The following CACNA2D3 variants were observed in gnomAD, a reference collection of about 807,000 sequenced individuals.
CACNA2D3 encodes the protein calcium voltage-gated channel auxiliary subunit alpha2delta 3.
Under a neutral mutation model 160.6 loss-of-function variants are expected in CACNA2D3, and 60 were observed. The observed-to-expected ratio is 0.37, with a 90% CI of 0.30 to 0.46. The LOEUF is 0.46. Among genes scored for constraint, CACNA2D3 ranks in the 20% least tolerant of loss-of-function variants. The pLI is 1.00. For synonymous variants in CACNA2D3, 558 were observed against 492.9 expected, an observed-to-expected ratio of 1.13 and a Z score of -1.75; for missense variants, 1,205 against 1,365.0, an observed-to-expected ratio of 0.88 and a Z score of 1.85.
chr3:54,976,056 T>TACACAC (rs3841944), intron 29 of CACNA2D3, among the ~76,000 whole-genome samples: 1,873 of 145,030 alleles, frequency 0.013, 33 homozygotes, highest in African/African-American at 0.04. Context: ...TAGATATAGA[T>TACACAC]ACACACACAC....
intron 9 of CACNA2D3, among the ~76,000 whole-genome samples, chr3:54,610,969 T>A (rs1698738874): frequency 6.6e-6 from 1 of 152,136 alleles, no homozygotes; most frequent in African/African-American, 2.4e-5. Flanking sequence ...AATCCCTGGC[T>A]TTTCTTCGCC....
chr3:54,796,441 A>C (rs377222731), intron 13 of CACNA2D3, among the ~76,000 whole-genome samples: 1 of 152,178 alleles, frequency 6.6e-6, no homozygotes, highest in African/African-American at 2.4e-5. Flanking sequence ...AGAAGTGCTT[A>C]TGTGCACAAA....
rs978245525 is a variant in CACNA2D3 at position 54,314,858 on chromosome 3, C to T, written c.205-5584C>T. Among the ~76,000 whole-genome samples, 3 of 152,254 alleles carry T rather than the reference C, an allele frequency of 2.0e-5. No individual in the cohort carries two copies. In the East Asian group the frequency reaches 5.8e-4, roughly 29 times the overall value. On this transcript the variant is annotated intron_variant, in intron 2 of 37. Coordinates refer to ENST00000474759, the MANE Select transcript of CACNA2D3 (RefSeq NM_018398.3). The stretch of plus-strand genomic sequence containing the variant: ...GCTGGAGACAGGATGCAAAGCCAGC[C>T]TGGCTCAAACCTTTCACCTGGTGCC...
chr3:54,259,040 C>T (rs1219968248), intron 2 of CACNA2D3, among the ~76,000 whole-genome samples: 1 of 152,202 alleles, frequency 6.6e-6, no homozygotes, highest in Non-Finnish European at 1.5e-5. Context: ...ACTTTTTCTC[C>T]TTCCATTTGA....
At chr3:54,660,488 A>C (rs551432102) in intron 11 of CACNA2D3, among the ~76,000 whole-genome samples, 28 of 152,144 alleles carry the variant, frequency 1.8e-4, no homozygotes, top group Non-Finnish European at 2.9e-4. Context: ...ATTGGTAGAG[A>C]AATCACCTTT....
At chr3:54,805,950 A>C (rs2106684434) in intron 13 of CACNA2D3, among the ~76,000 whole-genome samples, 1 of 152,224 alleles carries the variant, frequency 6.6e-6, no homozygotes, top group African/African-American at 2.4e-5. Flanking sequence ...AAAGACAAAA[A>C]CCACATGATT....
chr3:54,376,957 A>G (rs192278465), intron 3 of CACNA2D3, among the ~76,000 whole-genome samples: 1 of 152,348 alleles, frequency 6.6e-6, no homozygotes. Flanking sequence ...ATAAAAATCC[A>G]TCTTGAGAAG....
At chr3:54,355,684 T>A (rs1237872106) in intron 3 of CACNA2D3, among the ~76,000 whole-genome samples, 1 of 152,112 alleles carries the variant, frequency 6.6e-6, no homozygotes, top group Non-Finnish European at 1.5e-5. Context: ...ATGTAAAAGA[T>A]GCCGTTGGAT....
intron 5 of CACNA2D3, among the ~76,000 whole-genome samples, chr3:54,548,968 C>T (rs1452374437): frequency 6.6e-6 from 1 of 152,152 alleles, no homozygotes; most frequent in Non-Finnish European, 1.5e-5. Flanking sequence ...AAAAGCAGCA[C>T]GTAATGCAAA....
chr3:54,615,141 TAAATG>T (rs1233515159), intron 9 of CACNA2D3, among the ~76,000 whole-genome samples: 1 of 152,190 alleles, frequency 6.6e-6, no homozygotes, highest in Non-Finnish European at 1.5e-5. Context: ...GGTTATCTAA[TAAATG>T]AAGAGAGATG....
intron 31 of CACNA2D3, among the ~76,000 whole-genome samples, chr3:54,994,030 T>C (rs1431584337): frequency 6.6e-6 from 1 of 152,018 alleles, no homozygotes. Context: ...ATTTTCCCTA[T>C]GGGATCTGGC....
intron 2 of CACNA2D3, among the ~76,000 whole-genome samples, chr3:54,306,428 C>A (rs2107495238): frequency 6.6e-6 from 1 of 152,310 alleles, no homozygotes; most frequent in African/African-American, 2.4e-5. Context: ...GTGTGGACTT[C>A]TATTAACTTC....
At chr3:54,186,636 A>G (rs1158999309) in intron 2 of CACNA2D3, among the ~76,000 whole-genome samples, 2 of 152,130 alleles carry the variant, frequency 1.3e-5, no homozygotes, top group Non-Finnish European at 2.9e-5. Flanking sequence ...GACTGCTCTA[A>G]TTACATCTCT....
chr3:54,570,182 G>A (rs1363308551), intron 8 of CACNA2D3, 78 bp downstream of exon 8: 15 of 1,422,160 alleles, frequency 1.1e-5, no homozygotes, highest in East Asian at 6.9e-5. Context: ...CATTGCTCTC[G>A]CTGTTAGATC....
At chr3:54,473,655 A>G (rs1240323269) in intron 4 of CACNA2D3, among the ~76,000 whole-genome samples, 4 of 152,270 alleles carry the variant, frequency 2.6e-5, no homozygotes, top group Non-Finnish European at 4.4e-5. Context: ...ACTAATATCC[A>G]GAATCTACAA....
At chr3:54,327,909 C>T (rs1704151989) in intron 3 of CACNA2D3, among the ~76,000 whole-genome samples, 1 of 152,132 alleles carries the variant, frequency 6.6e-6, no homozygotes, top group South Asian at 2.1e-4. Flanking sequence ...ATGTTGTGGA[C>T]ATGTCAATGA....
At chr3:54,316,333 G>A (rs893933996) in intron 2 of CACNA2D3, among the ~76,000 whole-genome samples, 1 of 152,098 alleles carries the variant, frequency 6.6e-6, no homozygotes, top group Non-Finnish European at 1.5e-5. Context: ...GCTTTTGATT[G>A]ATTAATGACT....
rs1254952481 is a variant in CACNA2D3 at position 54,736,100 on chromosome 3, C to CATACATAT, written c.1168-16496_1168-16495insCATATATA. Among the ~76,000 whole-genome samples the CATACATAT allele has an allele frequency of 2.3e-4, 11 of 47,918 alleles. 1 individual carries two copies. The highest frequency in any genetic ancestry group is 1.1e-3 in the African/African-American group (11 of 10,258). The allele number at this position is 47,918 out of a possible 152,430, so 31.4% of individuals were successfully genotyped here. A position where few individuals can be genotyped will look rare whatever the true frequency, so the allele number is the denominator to read the frequency against. ...ATATATATGTATGTGTATATATATA[C>CATACATAT]ATATATATGTATATATATACATATA... On this transcript the variant is annotated intron_variant, in intron 11 of 37. Coordinates refer to ENST00000474759, the MANE Select transcript of CACNA2D3 (RefSeq NM_018398.3).
At chr3:54,238,738 C>A (rs182692787) in intron 2 of CACNA2D3, among the ~76,000 whole-genome samples, 1 of 152,166 alleles carries the variant, frequency 6.6e-6, no homozygotes, top group African/African-American at 2.4e-5. Flanking sequence ...ATGAAGACCC[C>A]TAAACAGAAG....
Sources: allele counts gnomAD v4.1 joint callset (sites outside exome capture counted in the v4.1 genomes callset), GRCh38; gene constraint gnomAD v4.1.1; transcripts MANE v1.5; gene names NCBI Gene and HGNC (gene_info 2026-07-23, HGNC 2026-07-21).